TMEM178B: variants seen among roughly 807,000 people sequenced by gnomAD.
The protein encoded by TMEM178B is transmembrane protein 178B.
TMEM178B carries 5 observed loss-of-function variants against 31.0 expected under a neutral mutation model. That is an observed-to-expected ratio of 0.16 (90% CI 0.08 to 0.34). The LOEUF is 0.34. Among genes scored for constraint, TMEM178B ranks in the 10% least tolerant of loss-of-function variants. The probability of loss-of-function intolerance (pLI) is 1.00; values close to 1 mark genes in which losing one functional copy is unlikely to be tolerated. For missense variants in TMEM178B, 275 were observed against 400.3 expected (o/e 0.69, Z 2.67); for synonymous variants, 164 against 164.0 (o/e 1.00, Z 0.00).
chr7:141,285,150 G>GTTTTTTTTTTTTTTTTT (rs1179131184), intron 2 of TMEM178B, among the ~76,000 whole-genome samples: 1 of 78,960 alleles, frequency 1.3e-5, no homozygotes, highest in Non-Finnish European at 2.6e-5. Flanking sequence ...CAGGATTCTT[G>GTTTTTTTTTTTTTTTTT]TTTCTTTTTT....
chr7:141,330,398 A>AT (rs1799277918), intron 2 of TMEM178B, among the ~76,000 whole-genome samples: 1 of 152,130 alleles, frequency 6.6e-6, no homozygotes, highest in South Asian at 2.1e-4. Flanking sequence ...TTCCTGTGTT[A>AT]ATTTACCGAG....
chr7:141,198,390 G>A (rs1338684065), intron 1 of TMEM178B, among the ~76,000 whole-genome samples: 1 of 152,198 alleles, frequency 6.6e-6, no homozygotes, highest in African/African-American at 2.4e-5. Flanking sequence ...AGCCATCTCT[G>A]TCCTGGCATC....
At position 141,344,262 on chromosome 7, in the gene TMEM178B, T is replaced by C. The variant is rs1233577215; in HGVS notation, c.497-93346T>C. 6.6e-6 allele frequency among the ~76,000 whole-genome samples: 1 copy of C among 152,164 alleles called. No individual in the cohort carries two copies. The highest frequency in any genetic ancestry group is 2.4e-5 in the African/African-American group (1 of 41,434). ...GGTTTTATGAGTCCCATTTTAAAGATCAGAACAGTGAGGATTAGAGTGATT... is the reference window on the plus strand; with the variant it reads ...GGTTTTATGAGTCCCATTTTAAAGACCAGAACAGTGAGGATTAGAGTGATT... On this transcript the variant is annotated intron_variant, in intron 2 of 3. Coordinates refer to ENST00000565468, the MANE Select transcript of TMEM178B (RefSeq NM_001195278.2). This position sits in a 1 kb window ranked among gnomAD's most constrained non-coding sequence, Gnocchi z 4.1.
chr7:141,129,538 A>G (rs1452270718), intron 1 of TMEM178B, among the ~76,000 whole-genome samples: 2 of 152,314 alleles, frequency 1.3e-5, no homozygotes, highest in African/African-American at 4.8e-5. Context: ...CTTCTAGTCA[A>G]AAACTCCTGC....
chr7:141,184,696 G>A (rs919227790), intron 1 of TMEM178B, among the ~76,000 whole-genome samples: 6 of 152,102 alleles, frequency 3.9e-5, no homozygotes, highest in African/African-American at 9.7e-5. Context: ...CCCAGAGCAC[G>A]GAGCTTGGGG....
intron 2 of TMEM178B, among the ~76,000 whole-genome samples, chr7:141,319,841 G>T (rs1257605430): frequency 6.6e-6 from 1 of 152,180 alleles, no homozygotes; most frequent in East Asian, 1.9e-4. Context: ...CTTTCTAGCT[G>T]TGTGGCCTTA....
chr7:141,491,115 C>A, the TMEM178B span, among the ~76,000 whole-genome samples: 1 of 152,052 alleles, frequency 6.6e-6, no homozygotes, highest in South Asian at 2.1e-4. Flanking sequence ...GCGGCCTTGA[C>A]CTCCCCAACT....
intron 2 of TMEM178B, among the ~76,000 whole-genome samples, chr7:141,296,906 C>G (rs1208296820): frequency 2.0e-5 from 3 of 152,220 alleles, no homozygotes; most frequent in Admixed American, 1.3e-4. Context: ...CTTAATTAGT[C>G]AACATATTCA....
At chr7:141,193,697 C>A (rs1409647293) in intron 1 of TMEM178B, among the ~76,000 whole-genome samples, 1 of 152,198 alleles carries the variant, frequency 6.6e-6, no homozygotes, top group Non-Finnish European at 1.5e-5. Flanking sequence ...TGCATCCACC[C>A]TACCCATGTC....
intron 1 of TMEM178B, among the ~76,000 whole-genome samples, chr7:141,174,240 G>A (rs926349241): frequency 5.9e-5 from 9 of 151,844 alleles, no homozygotes; most frequent in South Asian, 4.2e-4. Context: ...GCATTAGTTT[G>A]CTGAGAATGA....
chr7:141,235,338 A>G (rs1362805955), intron 2 of TMEM178B, among the ~76,000 whole-genome samples: 1 of 152,236 alleles, frequency 6.6e-6, no homozygotes, highest in Non-Finnish European at 1.5e-5. Flanking sequence ...CAGGCTAGAA[A>G]CAGCCAATCA....
chr7:141,406,492 C>T (rs981243308), intron 2 of TMEM178B, among the ~76,000 whole-genome samples: 3 of 152,210 alleles, frequency 2.0e-5, no homozygotes, highest in Non-Finnish European at 4.4e-5. Context: ...AATTCAGCCC[C>T]ACATCACTTG....
rs181196235 is a variant in TMEM178B, at chr7:141,202,045, T to C, written c.383-10546T>C. On this transcript the variant is annotated intron_variant, in intron 1 of 3. Coordinates refer to ENST00000565468, the MANE Select transcript of TMEM178B (RefSeq NM_001195278.2). ...GCTATGCACTTTTGATAAGGATACG[T>C]CTCTAAGCTTCTCAGTCTTCATATA... 3.7e-3 allele frequency among the ~76,000 whole-genome samples: 570 copies of C among 152,284 alleles called. 3 individuals are homozygous for C. The highest frequency in any genetic ancestry group is 0.014 in the Middle Eastern group (4 of 294).
chr7:141,454,726 T>A (rs1407695677), intron 3 of TMEM178B, among the ~76,000 whole-genome samples: 1 of 151,838 alleles, frequency 6.6e-6, no homozygotes, highest in East Asian at 1.9e-4. Context: ...AGAGAAAGTA[T>A]TGGGGATCTT....
chr7:141,298,913 T>C (rs1445030745), intron 2 of TMEM178B, among the ~76,000 whole-genome samples: 1 of 152,228 alleles, frequency 6.6e-6, no homozygotes, highest in Non-Finnish European at 1.5e-5. Flanking sequence ...GCCAGGACTT[T>C]GACCCCTACT....
At chr7:141,268,247 G>A (rs1320112726) in intron 2 of TMEM178B, among the ~76,000 whole-genome samples, 1 of 152,184 alleles carries the variant, frequency 6.6e-6, no homozygotes, top group Non-Finnish European at 1.5e-5. Context: ...CATGTATTCT[G>A]TTAAAATTGA....
rs192389387 is a variant in TMEM178B, at chr7:141,395,345, G to T, written c.497-42263G>T. On this transcript the variant is annotated intron_variant, in intron 2 of 3. Coordinates refer to ENST00000565468, the MANE Select transcript of TMEM178B (RefSeq NM_001195278.2). ...AGTCCCAGCCACTTGGGAGGCTGAG[G>T]CAGGAAGACCACTTGAGCCCAGGAG... 1.8e-3 allele frequency among the ~76,000 whole-genome samples: 267 copies of T among 152,328 alleles called. 2 individuals carry two copies. Among genetic ancestry groups the T allele is most frequent in the African/African-American group, 6.0e-3 (250 of 41,564 alleles).
At chr7:141,492,805 C>G in the TMEM178B span, among the ~76,000 whole-genome samples, 1 of 152,172 alleles carries the variant, frequency 6.6e-6, no homozygotes, top group Non-Finnish European at 1.5e-5. Context: ...CTCTCTTGTC[C>G]CCAGTGAGAG....
intron 2 of TMEM178B, among the ~76,000 whole-genome samples, chr7:141,224,154 T>G (rs1237096160): frequency 6.6e-6 from 1 of 152,204 alleles, no homozygotes; most frequent in African/African-American, 2.4e-5. Context: ...ACGTGCCTTT[T>G]GCCTTCTGCC....
Sources: gnomAD v4.1 joint callset for allele counts (sites outside exome capture counted in the v4.1 genomes callset) on GRCh38, gnomAD v4.1.1 for gene constraint, Gnocchi (gnomAD v3.1) non-coding constraint, MANE v1.5 for transcripts, NCBI Gene and HGNC (gene_info 2026-07-23, HGNC 2026-07-21) for gene names.